The following STX3 variants were observed in gnomAD, a reference collection of about 807,000 sequenced individuals.
STX3 encodes the protein syntaxin-3.
In STX3, 19 loss-of-function variants were observed where a neutral mutation model predicts 40.2. That is an observed-to-expected ratio of 0.47 (90% CI 0.33 to 0.69). The LOEUF is 0.69. STX3 is among the 30% of genes least tolerant of loss of function. The pLI, the probability that STX3 is intolerant of heterozygous loss-of-function variation, is 0.02. For missense variants in STX3, 364 were observed against 366.7 expected (o/e 0.99, Z 0.06); for synonymous variants, 122 against 132.2 (o/e 0.92, Z 0.53).
chr11:59,780,713 C>T (rs1030404913), intron 2 of STX3, among the ~76,000 whole-genome samples: 1 of 152,186 alleles, frequency 6.6e-6, no homozygotes, highest in African/African-American at 2.4e-5. Context: ...CCTTCTCTTT[C>T]GCTCTGACCT....
At chr11:59,770,804 C>G (rs1863575861) in intron 1 of STX3, among the ~76,000 whole-genome samples, 1 of 152,072 alleles carries the variant, frequency 6.6e-6, no homozygotes, top group Admixed American at 6.5e-5. Context: ...TGACAAAACT[C>G]AAGTCTGGCT....
intron 1 of STX3, among the ~76,000 whole-genome samples, chr11:59,767,799 C>A (rs1401213050): frequency 2.0e-5 from 3 of 152,138 alleles, no homozygotes; most frequent in Non-Finnish European, 4.4e-5. Flanking sequence ...GCCTTGGTTT[C>A]CCCCTGGTTT....
intron 10 of STX3, chr11:59,800,376 C>T (rs1336555858): frequency 1.2e-5 from 12 of 985,160 alleles, no homozygotes; most frequent in Non-Finnish European, 1.4e-5. Flanking sequence ...GGAACTTGCC[C>T]AAGACTACAT....
chr11:59,781,100 T>TTTTTATATA (rs963410109), intron 2 of STX3, among the ~76,000 whole-genome samples: 52 of 146,364 alleles, frequency 3.6e-4, no homozygotes, highest in African/African-American at 1.3e-3. Flanking sequence ...TTTTTTTTTT[T>TTTTTATATA]TATATTAGCA....
chr11:59,757,318 A>G (rs1862774500), intron 1 of STX3, among the ~76,000 whole-genome samples: 1 of 152,176 alleles, frequency 6.6e-6, no homozygotes, highest in Non-Finnish European at 1.5e-5. Context: ...CTGTGTCGGC[A>G]CACCCAGCAA....
rs1162081277 is a variant in STX3, at chr11:59,801,625, T to G, written c.*801T>G. 1 of 985,470 alleles carries G rather than the reference T, an allele frequency of 1.0e-6. No individual in the cohort carries two copies. The highest frequency in any genetic ancestry group is 1.2e-6 in the Non-Finnish European group (1 of 829,960). 61.0% of individuals were successfully genotyped at this position (985,470 alleles called of 1,614,324 possible). ...AGTGATGCTTTGTGAGACTATTGTC[T>G]TGGGGCCAAAAATAATCAGGGATTT... On this transcript the variant is annotated 3_prime_UTR_variant, in exon 11 of 11. Transcript: ENST00000337979.
intron 8 of STX3, among the ~76,000 whole-genome samples, chr11:59,793,751 T>C (rs1865347549): frequency 6.6e-6 from 1 of 152,180 alleles, no homozygotes; most frequent in Non-Finnish European, 1.5e-5. Context: ...CAGTCGTTGC[T>C]AGTTGATACA....
rs918053080 is a variant in STX3, at chr11:59,803,514, A to T, written c.*2690A>T. 1.3e-5 allele frequency among the ~76,000 whole-genome samples: 2 copies of T among 152,168 alleles called. No homozygotes were observed. Among genetic ancestry groups the T allele is most frequent in the South Asian group, 4.1e-4 (2 of 4,832 alleles). On this transcript the variant is annotated 3_prime_UTR_variant, in exon 11 of 11. Coordinates refer to ENST00000337979, the MANE Select transcript of STX3 (RefSeq NM_004177.5). The stretch of plus-strand genomic sequence containing the variant: ...AGGAGGGGGGAGACAGAAGGTGGCA[A>T]TCTGTCCTATAACCTGGTGTGGCAG...
chr11:59,800,148 A>G, intron 10 of STX3: 1 of 985,428 alleles, frequency 1.0e-6, no homozygotes, highest in African/African-American at 1.7e-5. Flanking sequence ...GCAGTTGTTA[A>G]GCTGCTTTTT....
At chr11:59,767,915 T>A (rs1863358447) in intron 1 of STX3, among the ~76,000 whole-genome samples, 1 of 152,204 alleles carries the variant, frequency 6.6e-6, no homozygotes, top group Non-Finnish European at 1.5e-5. Flanking sequence ...TGGTAAAATC[T>A]TTAACATTGC....
rs1865986305 is a variant in STX3 at position 59,803,795 on chromosome 11, A to G, written c.*2971A>G. The G allele has an allele frequency of 6.5e-6, 1 of 152,730 alleles. No homozygotes were observed. The highest frequency in any genetic ancestry group is 1.5e-5 in the Non-Finnish European group (1 of 68,094). 9.5% of individuals were successfully genotyped at this position (152,730 alleles called of 1,614,324 possible). On this transcript the variant is annotated 3_prime_UTR_variant, in exon 11 of 11. Transcript: ENST00000337979. ...ATCCCAGCCACGAACACCATGCTATATAATCTATGATTTTTTTCCTCCATT... is the reference window on the plus strand; with the variant it reads ...ATCCCAGCCACGAACACCATGCTATGTAATCTATGATTTTTTTCCTCCATT...
chr11:59,775,753 C>T (rs997015130), intron 2 of STX3, among the ~76,000 whole-genome samples: 1 of 152,188 alleles, frequency 6.6e-6, no homozygotes, highest in Non-Finnish European at 1.5e-5. Flanking sequence ...TGGGTGGTAG[C>T]TACTTCTGAA....
At chr11:59,795,690 A>G in intron 9 of STX3, 2 of 1,536,956 alleles carry the variant, frequency 1.3e-6, no homozygotes, top group Non-Finnish European at 1.7e-6. Context: ...AAGGCTGTCA[A>G]GTATCAGAGT....
chr11:59,794,134 G>A (rs1865379333), intron 8 of STX3, among the ~76,000 whole-genome samples: 2 of 151,612 alleles, frequency 1.3e-5, no homozygotes, highest in Non-Finnish European at 2.9e-5. Context: ...TTTTGCTAAG[G>A]CACAGAGCAG....
chr11:59,769,282 G>GGAGGAT (rs1863435173), intron 1 of STX3, among the ~76,000 whole-genome samples: 1 of 147,236 alleles, frequency 6.8e-6, no homozygotes, highest in Non-Finnish European at 1.5e-5. Flanking sequence ...AGGAGGAGGA[G>GGAGGAT]GAGGATGAGG....
intron 2 of STX3, among the ~76,000 whole-genome samples, chr11:59,784,651 CA>C (rs927693343): frequency 2.6e-5 from 4 of 152,084 alleles, no homozygotes; most frequent in Non-Finnish European, 5.9e-5. Flanking sequence ...TGGCAGCAGG[CA>C]AAAAGAGAGC....
intron 2 of STX3, among the ~76,000 whole-genome samples, chr11:59,779,900 A>G (rs558419396): frequency 6.6e-6 from 1 of 152,336 alleles, no homozygotes; most frequent in South Asian, 2.1e-4. Context: ...CAACTTGGAA[A>G]TCCACACATT....
rs1865919718 is a variant in STX3, at chr11:59,802,406, C to T, written c.*1582C>T. ...TAGGATAGGGTAAGCACCCTTAATT[C>T]AGGCACTGTCCATTAGCTTCCTTTG... On this transcript the variant is annotated 3_prime_UTR_variant, in exon 11 of 11. Transcript: ENST00000337979. 1.0e-6 allele frequency: 1 copy of T among 985,664 alleles called. No individual in the cohort carries two copies. The highest frequency in any genetic ancestry group is 4.7e-5 in the South Asian group (1 of 21,296). 61.1% of individuals were successfully genotyped at this position (985,664 alleles called of 1,614,324 possible).
intron 2 of STX3, among the ~76,000 whole-genome samples, chr11:59,777,263 G>T (rs1007952285): frequency 6.6e-6 from 1 of 152,196 alleles, no homozygotes; most frequent in Non-Finnish European, 1.5e-5. Flanking sequence ...GAATCACCTG[G>T]GGAGTTTTTT....
Sources: allele counts gnomAD v4.1 joint callset (sites outside exome capture counted in the v4.1 genomes callset), GRCh38; gene constraint gnomAD v4.1.1; transcripts MANE v1.5; gene names NCBI Gene and HGNC (gene_info 2026-07-23, HGNC 2026-07-21).